DICER1: variants seen among roughly 807,000 people sequenced by gnomAD.
DICER1 encodes the protein endoribonuclease Dicer.
In DICER1, 43 loss-of-function variants were observed where a neutral mutation model predicts 194.1. The ratio of observed to expected loss-of-function variants is 0.22; its 90% CI spans 0.17 to 0.29. DICER1 has a LOEUF of 0.29. DICER1 is among the 10% of genes least tolerant of loss of function. The pLI is 1.00. For missense variants in DICER1, 1,608 were observed against 2,317.0 expected, an observed-to-expected ratio of 0.69 and a Z score of 6.28; for synonymous variants, 832 against 820.5, an observed-to-expected ratio of 1.01 and a Z score of -0.24.
At position 95,115,683 on chromosome 14, in the gene DICER1, T is replaced by A. The variant is rs878855245; in HGVS notation, c.1891A>T (p.Ile631Phe). ...ATGCCATACCTATTGATGTGTCCAA[T>A]GGCCGTGTTGATTGTGACTCGTGGA... ...GGPRVTINTA[I>F]GHINRYCARL... The change falls in exon 11 of 27, where the codon ATT becomes TTT. Residue 631 changes from isoleucine to phenylalanine, a missense_variant. Physicochemically the swap from Ile to Phe is conservative, Grantham distance 21 (BLOSUM62 0). Transcript: ENST00000343455. 5 of 1,614,054 alleles carry A rather than the reference T, an allele frequency of 3.1e-6. No homozygotes were observed. In the Admixed American group the frequency reaches 8.3e-5, roughly 27 times the overall value.
At chr14:95,143,544 A>C (rs1266197818) in intron 1 of DICER1, among the ~76,000 whole-genome samples, 1 of 152,078 alleles carries the variant, frequency 6.6e-6, no homozygotes, top group African/African-American at 2.4e-5. Context: ...CTGTCACCTG[A>C]CTCCAAAATG....
In DICER1 at chr14:95,087,288, G is replaced by A. The variant is rs1219112552; in HGVS notation, c.*3210C>T. ...TCAGTATTTTAAAAGACAATTACAGGAGTGTTAGAGGTCATTCTAAATTTC... is the reference window on the plus strand; with the variant it reads ...TCAGTATTTTAAAAGACAATTACAGAAGTGTTAGAGGTCATTCTAAATTTC... On this transcript the variant is annotated 3_prime_UTR_variant, in exon 27 of 27. Coordinates refer to ENST00000343455, the MANE Select transcript of DICER1 (RefSeq NM_177438.3). 1 of 233,130 alleles carries A rather than the reference G, an allele frequency of 4.3e-6. No homozygotes were observed. The highest frequency in any genetic ancestry group is 8.5e-6 in the Non-Finnish European group (1 of 117,856). 14.4% of individuals were successfully genotyped at this position (233,130 alleles called of 1,614,324 possible). A position where few individuals can be genotyped will look rare whatever the true frequency, so the allele number is the denominator to read the frequency against.
intron 20 of DICER1, 84 bp downstream of exon 20, chr14:95,104,987 T>C (rs1891279234): frequency 1.5e-6 from 2 of 1,325,418 alleles, no homozygotes; most frequent in Admixed American, 3.4e-5. Context: ...AGAATTATTT[T>C]ATATACAATT....
At chr14:95,117,787 G>A (rs534968474) in intron 8 of DICER1, 33 bp from the exon 9 acceptor site, 35 of 1,605,938 alleles carry the variant, frequency 2.2e-5, no homozygotes, top group Middle Eastern at 3.3e-4. Context: ...GAAGTTAAAC[G>A]TTGCTGAAAG....
chr14:95,136,939 C>G (rs568213943), intron 1 of DICER1: 27 of 152,310 alleles, frequency 1.8e-4, no homozygotes, highest in African/African-American at 6.0e-4. Context: ...CCTTAACTAT[C>G]CAAGCTAGCT....
intron 1 of DICER1, among the ~76,000 whole-genome samples, chr14:95,137,247 A>G (rs950632468): frequency 6.8e-6 from 1 of 147,134 alleles, no homozygotes; most frequent in Middle Eastern, 3.2e-3. Context: ...GAGGAAGAGA[A>G]AGGGGAAATA....
intron 21 of DICER1, among the ~76,000 whole-genome samples, chr14:95,102,686 T>TTG (rs1181557506): frequency 4.7e-5 from 7 of 147,530 alleles, no homozygotes; most frequent in African/African-American, 1.8e-4. Context: ...TGTGAGACTT[T>TTG]TTTCCATTTT....
Position 95,088,566 on chromosome 14 carries a change from T to C in DICER1, c.*1932A>G. ...AACTGGTCATATCTTACATTAAGGT[T>C]TTTTAAAAAATCAAATAGACATCTA... On this transcript the variant is annotated 3_prime_UTR_variant, in exon 27 of 27. Coordinates refer to ENST00000343455, the MANE Select transcript of DICER1 (RefSeq NM_177438.3). 4.3e-6 allele frequency: 1 copy of C among 232,222 alleles called. No individual in the cohort carries two copies. Among genetic ancestry groups the C allele is most frequent in the East Asian group, 6.1e-5 (1 of 16,354 alleles). The allele number at this position is 232,222 out of a possible 1,614,324, so 14.4% of individuals were successfully genotyped here.
At chr14:95,127,669 G>A (rs545107769) in intron 6 of DICER1, among the ~76,000 whole-genome samples, 107 of 152,340 alleles carry the variant, frequency 7.0e-4, no homozygotes, top group Non-Finnish European at 1.2e-3. Context: ...CACTCAAAAG[G>A]TTTCAGATTT....
In DICER1 at chr14:95,089,678, A is replaced by G. The variant is rs766702678; in HGVS notation, c.*820T>C. On this transcript the variant is annotated 3_prime_UTR_variant, in exon 27 of 27. Transcript: ENST00000343455. Reference sequence around the variant, plus strand: ...TGTCTTCAGTATACATATGACAGAAATTTTAGTATGATCCTGTAATAAGTT... The same window carrying G: ...TGTCTTCAGTATACATATGACAGAAGTTTTAGTATGATCCTGTAATAAGTT... 2 of 231,612 alleles carry G rather than the reference A, an allele frequency of 8.6e-6. No individual in the cohort carries two copies. The highest frequency in any genetic ancestry group is 1.7e-5 in the Non-Finnish European group (2 of 116,986). 14.3% of individuals were successfully genotyped at this position (231,612 alleles called of 1,614,324 possible).
intron 1 of DICER1, among the ~76,000 whole-genome samples, chr14:95,145,053 T>G (rs974923553): frequency 2.0e-5 from 3 of 152,190 alleles, no homozygotes; most frequent in Non-Finnish European, 2.9e-5. Context: ...CCTTTGTCCT[T>G]CCACAATTTA....
At chr14:95,131,851 G>A (rs906458706) in intron 3 of DICER1, among the ~76,000 whole-genome samples, 1 of 152,048 alleles carries the variant, frequency 6.6e-6, no homozygotes, top group Admixed American at 6.6e-5. Flanking sequence ...TTTGTCACTC[G>A]CTTCAGAGAA....
At chr14:95,093,087 G>A (rs1889991011) in intron 24 of DICER1, among the ~76,000 whole-genome samples, 1 of 152,108 alleles carries the variant, frequency 6.6e-6, no homozygotes, top group Non-Finnish European at 1.5e-5. Flanking sequence ...ACAAAGGTTT[G>A]GTGCAATTAA....
At position 95,133,495 on chromosome 14, in the gene DICER1, C is replaced by T. The variant is rs1219308599; in HGVS notation, c.-37G>A. 1 of 1,591,368 alleles carries T rather than the reference C, an allele frequency of 6.3e-7. No homozygotes were observed. The highest frequency in any genetic ancestry group is 1.3e-5 in the African/African-American group (1 of 74,580). On this transcript the variant is annotated 5_prime_UTR_variant, in exon 2 of 27. Transcript: ENST00000343455. Reference sequence around the variant, plus strand: ...TTCTTTCATTGCATTTTTGTTCTAGCACAGCTTACTACAAAAGGGAAAAAG... The same window carrying T: ...TTCTTTCATTGCATTTTTGTTCTAGTACAGCTTACTACAAAAGGGAAAAAG...
At chr14:95,117,241 G>T (rs143873020) in intron 9 of DICER1, among the ~76,000 whole-genome samples, 262 of 149,536 alleles carry the variant, frequency 1.8e-3, no homozygotes, top group African/African-American at 6.0e-3. Flanking sequence ...GCCTTTAAAT[G>T]AAAAAAAGAA....
At chr14:95,110,532 C>G (rs1402928411) in intron 14 of DICER1, among the ~76,000 whole-genome samples, 2 of 151,510 alleles carry the variant, frequency 1.3e-5, no homozygotes, top group Non-Finnish European at 2.9e-5. Flanking sequence ...TTTTTTTTTT[C>G]CTTGTCAACG....
chr14:95,088,584 G>C lies in DICER1; in HGVS notation c.*1914C>G. On this transcript the variant is annotated 3_prime_UTR_variant, in exon 27 of 27. Transcript: ENST00000343455. ...TTAAGGTTTTTTAAAAAATCAAATA[G>C]ACATCTAAGGTTCCAAATCGGAATT... 4.3e-6 allele frequency: 1 copy of C among 231,982 alleles called. No individual in the cohort carries two copies. The highest frequency in any genetic ancestry group is 6.1e-5 in the East Asian group (1 of 16,324). 14.4% of individuals were successfully genotyped at this position (231,982 alleles called of 1,614,324 possible). A position where few individuals can be genotyped will look rare whatever the true frequency, so the allele number is the denominator to read the frequency against.
intron 1 of DICER1, among the ~76,000 whole-genome samples, chr14:95,154,664 A>C (rs1390305864): frequency 6.6e-6 from 1 of 152,218 alleles, no homozygotes; most frequent in African/African-American, 2.4e-5. Context: ...AGTCAGTGAC[A>C]GGAAGTAGAA....
At position 95,130,064 on chromosome 14, in the gene DICER1, A is replaced by C; in HGVS notation, c.567T>G (p.Ile189Met). 1 of 1,613,292 alleles carries C rather than the reference A, an allele frequency of 6.2e-7. No individual in the cohort carries two copies. The highest frequency in any genetic ancestry group is 8.5e-7 in the Non-Finnish European group (1 of 1,179,652). Residue 189 changes from isoleucine (I) to methionine (M), a missense_variant, in exon 5 of 27, where the codon ATT (isoleucine) becomes ATG (methionine). Ile to Met is a conservative substitution (Grantham distance 10). Transcript: ENST00000343455. ...ACTTAGGTCTAAAACTTACCTTCAT[A>C]ATTTCTCGATAGGGGTGGTCTAGGA... ...LAILDHPYREIMKLCENCPSC... is the reference protein window; with the variant it reads ...LAILDHPYREMMKLCENCPSC...
Sources: allele counts gnomAD v4.1 joint callset (sites outside exome capture counted in the v4.1 genomes callset), GRCh38; gene constraint gnomAD v4.1.1; transcripts MANE v1.5; gene names NCBI Gene and HGNC (gene_info 2026-07-23, HGNC 2026-07-21).